The following SLC30A8 variants were observed in gnomAD, a reference collection of about 807,000 sequenced individuals.
SLC30A8 encodes proton-coupled zinc antiporter SLC30A8.
In SLC30A8, 27 loss-of-function variants were observed where a neutral mutation model predicts 36.9. The observed-to-expected ratio is 0.73, with a 90% CI of 0.54 to 1.01. The LOEUF is 1.01. SLC30A8 is among the 50% of genes least tolerant of loss of function. SLC30A8 has a pLI of 0.00. For missense variants in SLC30A8, 439 were observed against 452.0 expected, an observed-to-expected ratio of 0.97 and a Z score of 0.26; for synonymous variants, 164 against 172.4, an observed-to-expected ratio of 0.95 and a Z score of 0.38.
At chr8:116,959,370 T>C (rs1433927439) in intron 1 of SLC30A8, among the ~76,000 whole-genome samples, 1 of 152,194 alleles carries the variant, frequency 6.6e-6, no homozygotes, top group African/African-American at 2.4e-5. Context: ...AATTTTATAG[T>C]AACTGTTTTA....
intron 1 of SLC30A8, among the ~76,000 whole-genome samples, chr8:116,977,605 G>A (rs891107539): frequency 2.0e-5 from 3 of 150,378 alleles, no homozygotes; most frequent in Non-Finnish European, 4.4e-5. Context: ...TCCGCCTCCC[G>A]GGTTCAAGCA....
At chr8:117,138,181 C>T (rs995947225) in intron 1 of SLC30A8, among the ~76,000 whole-genome samples, 1 of 151,482 alleles carries the variant, frequency 6.6e-6, no homozygotes, top group Non-Finnish European at 1.5e-5. Context: ...TCTCTTTTCC[C>T]CAAGCCATAT....
At chr8:117,021,410 G>T (rs1014389894) in intron 1 of SLC30A8, among the ~76,000 whole-genome samples, 1 of 151,966 alleles carries the variant, frequency 6.6e-6, no homozygotes, top group African/African-American at 2.4e-5. Flanking sequence ...CCTTCTAGAG[G>T]ATCTGCTGTA....
At chr8:117,072,741 T>TAA (rs1192423713) in intron 2 of SLC30A8, among the ~76,000 whole-genome samples, 1 of 151,770 alleles carries the variant, frequency 6.6e-6, no homozygotes, top group Non-Finnish European at 1.5e-5. Context: ...TAAAGGGACA[T>TAA]AAAAAATGAA....
At chr8:117,117,914 C>G (rs992984364) in intron 2 of SLC30A8, among the ~76,000 whole-genome samples, 2 of 151,792 alleles carry the variant, frequency 1.3e-5, no homozygotes, top group East Asian at 3.9e-4. Context: ...AAGGACAATC[C>G]AAGTTTTGAT....
chr8:117,013,889 C>T (rs1816426499), intron 1 of SLC30A8, among the ~76,000 whole-genome samples: 1 of 152,096 alleles, frequency 6.6e-6, no homozygotes, highest in Non-Finnish European at 1.5e-5. Flanking sequence ...CATTATCAGT[C>T]ATTTTTTTCA....
chr8:116,981,202 T>G (rs1228604976), intron 1 of SLC30A8, among the ~76,000 whole-genome samples: 1 of 152,192 alleles, frequency 6.6e-6, no homozygotes, highest in East Asian at 1.9e-4. Flanking sequence ...AAGCTGGGAC[T>G]CTCACTCTAG....
chr8:117,018,851 C>T (rs56956780), intron 1 of SLC30A8, among the ~76,000 whole-genome samples: 65,707 of 151,732 alleles, frequency 0.43, 14,858 homozygotes, highest in East Asian at 0.55. Flanking sequence ...AGTAGAGATG[C>T]GGTTTTTCAC....
At chr8:117,112,177 G>T (rs1820255916) in intron 2 of SLC30A8, among the ~76,000 whole-genome samples, 1 of 152,078 alleles carries the variant, frequency 6.6e-6, no homozygotes, top group Non-Finnish European at 1.5e-5. Context: ...ATTGATAAAT[G>T]ACAGGTGATT....
intron 2 of SLC30A8, among the ~76,000 whole-genome samples, chr8:117,057,817 T>C (rs1817917897): frequency 1.3e-5 from 2 of 152,242 alleles, no homozygotes; most frequent in Admixed American, 6.5e-5. Flanking sequence ...TGATTTCATA[T>C]CTTGGCTATT....
At chr8:117,034,530 G>A (rs924869021) in intron 1 of SLC30A8, among the ~76,000 whole-genome samples, 1 of 152,100 alleles carries the variant, frequency 6.6e-6, no homozygotes, top group African/African-American at 2.4e-5. Flanking sequence ...TTATGGTTGG[G>A]GAAACTGAAG....
chr8:117,029,123 G>A (rs573226320), intron 1 of SLC30A8, among the ~76,000 whole-genome samples: 21 of 152,164 alleles, frequency 1.4e-4, no homozygotes, highest in Admixed American at 3.3e-4. Flanking sequence ...CCCCTGTGCC[G>A]AACTATCCAT....
intron 2 of SLC30A8, among the ~76,000 whole-genome samples, chr8:117,065,612 G>A (rs113157740): frequency 2.2e-3 from 332 of 151,902 alleles, no homozygotes; most frequent in African/African-American, 7.8e-3. Context: ...AACTATCTCC[G>A]CTCATGGTGA....
intron 1 of SLC30A8, among the ~76,000 whole-genome samples, chr8:117,017,277 G>C (rs1198995349): frequency 6.6e-6 from 1 of 152,148 alleles, no homozygotes; most frequent in Non-Finnish European, 1.5e-5. Context: ...CAGTGGCTGA[G>C]GGTGGATTTG....
At position 117,172,960 on chromosome 8, in the gene SLC30A8, A is replaced by G. The variant is rs1348721609; in HGVS notation, c.*279A>G. On this transcript the variant is annotated 3_prime_UTR_variant, in exon 8 of 8. Transcript: ENST00000456015. ...GCCGAAGTAACAGCTGTTTGTAACT[A>G]TCGGCAATACCAAATTCATCTCCCT... The G allele has an allele frequency of 8.0e-6, 3 of 372,712 alleles. No individual in the cohort carries two copies. The highest frequency in any genetic ancestry group is 1.4e-5 in the Non-Finnish European group (3 of 207,016). The allele number at this position is 372,712 out of a possible 1,614,324, so 23.1% of individuals were successfully genotyped here.
upstream of SLC30A8, among the ~76,000 whole-genome samples, chr8:116,950,754 T>G (rs1813966874): frequency 6.6e-6 from 1 of 152,188 alleles, no homozygotes; most frequent in African/African-American, 2.4e-5. Context: ...GATTTTAAGG[T>G]GGGATTGTCA....
intron 3 of SLC30A8, 79 bp downstream of exon 3, chr8:117,153,169 C>T (rs560768966): frequency 3.4e-5 from 48 of 1,406,252 alleles, no homozygotes; most frequent in East Asian, 2.6e-4. Flanking sequence ...AGACACGAAG[C>T]AAAGCCTTGT....
At chr8:117,005,948 T>A (rs1199173454) in intron 1 of SLC30A8, among the ~76,000 whole-genome samples, 4 of 152,342 alleles carry the variant, frequency 2.6e-5, no homozygotes, top group Non-Finnish European at 5.9e-5. Flanking sequence ...GTAAGTATTA[T>A]TAGTTGTAAC....
chr8:117,172,612 C>G lies in SLC30A8; in HGVS notation c.1041C>G (p.Leu347=). 1 of 1,613,772 alleles carries G rather than the reference C, an allele frequency of 6.2e-7. No individual in the cohort carries two copies. The highest frequency in any genetic ancestry group is 1.1e-5 in the South Asian group (1 of 91,084). Reference sequence around the variant, plus strand: ...GCAAAAGCTTTACGATGCACTCACTCACCATTCAGATGGAATCTCCAGTTG... The same window carrying G: ...GCAAAAGCTTTACGATGCACTCACTGACCATTCAGATGGAATCTCCAGTTG... The part of the protein sequence containing the change: ...ALSKSFTMHS[L]TIQMESPVDQ... Residue 347 remains leucine, a synonymous_variant, in exon 8 of 8, where the codon CTC becomes CTG. Transcript: ENST00000456015.
Sources: gnomAD v4.1 joint callset for allele counts (sites outside exome capture counted in the v4.1 genomes callset) on GRCh38, gnomAD v4.1.1 for gene constraint, MANE v1.5 for transcripts, NCBI Gene and HGNC (gene_info 2026-07-23, HGNC 2026-07-21) for gene names.